The following GPR89A variants were observed in gnomAD, a reference collection of about 807,000 sequenced individuals.
GPR89A encodes the protein G protein-coupled receptor 89A.
Under a neutral mutation model 52.0 loss-of-function variants are expected in GPR89A, and 16 were observed. The ratio of observed to expected loss-of-function variants is 0.31; its 90% CI spans 0.21 to 0.47. GPR89A has a LOEUF of 0.47. GPR89A is among the 20% of genes least tolerant of loss of function. The pLI is 1.00. For synonymous variants in GPR89A, 55 were observed against 150.9 expected, an observed-to-expected ratio of 0.36 and a Z score of 4.66; for missense variants, 135 against 449.4, an observed-to-expected ratio of 0.30 and a Z score of 6.33.
At chr1:145,635,640 C>G (rs1650182469) in intron 7 of GPR89A, among the ~76,000 whole-genome samples, 1 of 152,168 alleles carries the variant, frequency 6.6e-6, no homozygotes, top group African/African-American at 2.4e-5. Context: ...CAAGGCTATT[C>G]TCTTTCTCAC....
At chr1:145,613,527 T>C (rs1447035151) in intron 1 of GPR89A, among the ~76,000 whole-genome samples, 19 of 152,260 alleles carry the variant, frequency 1.2e-4, no homozygotes, top group African/African-American at 3.4e-4. Context: ...TAAATAACCC[T>C]CATCACCTAC....
chr1:145,662,912 C>G (rs1338350024), intron 10 of GPR89A, among the ~76,000 whole-genome samples: 1 of 149,690 alleles, frequency 6.7e-6, no homozygotes, highest in Non-Finnish European at 1.5e-5. Flanking sequence ...CATTTGATAT[C>G]GTTTGTTGAC....
chr1:145,628,503 A>G (rs1649663759), intron 5 of GPR89A, among the ~76,000 whole-genome samples: 1 of 151,870 alleles, frequency 6.6e-6, no homozygotes, highest in Non-Finnish European at 1.5e-5. Context: ...CTGGAGCTAG[A>G]CTGCACTTGA....
chr1:145,626,308 C>A (rs1461136865), intron 5 of GPR89A, among the ~76,000 whole-genome samples: 1 of 151,974 alleles, frequency 6.6e-6, no homozygotes, highest in Non-Finnish European at 1.5e-5. Flanking sequence ...GCATTCAGCT[C>A]ACATGACCAG....
intron 7 of GPR89A, among the ~76,000 whole-genome samples, chr1:145,635,816 G>T (rs1650198239): frequency 6.6e-6 from 1 of 152,284 alleles, no homozygotes; most frequent in African/African-American, 2.4e-5. Context: ...AAAATTATCT[G>T]GGCATAGTGG....
chr1:145,611,785 A>G (rs1385179753), intron 1 of GPR89A, among the ~76,000 whole-genome samples: 18 of 151,584 alleles, frequency 1.2e-4, no homozygotes, highest in African/African-American at 4.4e-4. Context: ...TCATATAAAT[A>G]TGGTCTCTAA....
At chr1:145,621,702 C>G (rs1649149469) in intron 3 of GPR89A, among the ~76,000 whole-genome samples, 1 of 151,638 alleles carries the variant, frequency 6.6e-6, no homozygotes, top group African/African-American at 2.4e-5. Flanking sequence ...GGACTCGTAT[C>G]TAGAATATAT....
At chr1:145,664,323 ATCTTT>A (rs200053383) in intron 11 of GPR89A, among the ~76,000 whole-genome samples, 2,675 of 152,264 alleles carry the variant, frequency 0.018, 69 homozygotes, top group African/African-American at 0.061. Context: ...GGAACATGAT[ATCTTT>A]TCTTCAAGTG....
rs1400326310 is a variant in GPR89A at position 145,649,258 on chromosome 1, A to G, written c.909+1991A>G. Among the ~76,000 whole-genome samples the G allele has an allele frequency of 3.3e-5, 5 of 152,072 alleles. No individual in the cohort carries two copies. The East Asian group carries it at 7.8e-4, about 24-fold the overall frequency. The stretch of plus-strand genomic sequence containing the variant: ...GAGAACACATCCATCCATCACTGCC[A>G]TGAGATTCCTGAGATTCCTGGTGTC... On this transcript the variant is annotated intron_variant, in intron 10 of 13. Coordinates refer to ENST00000313835, the MANE Select transcript of GPR89A (RefSeq NM_001097612.2).
chr1:145,645,972 G>T (rs1489770975), intron 8 of GPR89A: 2 of 633,058 alleles, frequency 3.2e-6, no homozygotes, highest in Non-Finnish European at 5.7e-6. Flanking sequence ...GTAATTGTTT[G>T]GTGGCGATGC....
chr1:145,649,932 C>T (rs1456636804), intron 10 of GPR89A, among the ~76,000 whole-genome samples: 2 of 150,440 alleles, frequency 1.3e-5, no homozygotes, highest in African/African-American at 4.9e-5. Context: ...TGCTTTTTTT[C>T]CCACCCATAT....
chr1:145,654,723 T>G (rs1553694231), intron 10 of GPR89A, among the ~76,000 whole-genome samples: 6 of 151,848 alleles, frequency 4.0e-5, no homozygotes, highest in Admixed American at 3.3e-4. Flanking sequence ...TTGGAGAATC[T>G]GATGATTATG....
At chr1:145,641,230 T>C (rs1650633895) in intron 7 of GPR89A, among the ~76,000 whole-genome samples, 1 of 151,186 alleles carries the variant, frequency 6.6e-6, no homozygotes, top group Non-Finnish European at 1.5e-5. Flanking sequence ...AAAATTACGC[T>C]GAGTGAAAAA....
chr1:145,629,269 G>A (rs1209534131), intron 5 of GPR89A, among the ~76,000 whole-genome samples: 1 of 152,134 alleles, frequency 6.6e-6, no homozygotes, highest in Non-Finnish European at 1.5e-5. Flanking sequence ...CAAGTTGGGA[G>A]GATGATTGCA....
rs781818973 is a variant in GPR89A at position 145,646,223 on chromosome 1, A to C, written c.767A>C (p.Glu256Ala). 4 of 1,612,616 alleles carry C rather than the reference A, an allele frequency of 2.5e-6. No homozygotes were observed. The highest frequency in any genetic ancestry group is 3.4e-6 in the Non-Finnish European group (4 of 1,178,970). Residue 256 changes from glutamate (E) to alanine (A), a missense_variant, in exon 9 of 14, where the codon GAA (glutamate) becomes GCA (alanine). Glu to Ala is a moderately radical substitution (Grantham distance 107). This residue lies in a region of GPR89A where 23 missense variants were observed against 42.2 expected (regional missense o/e 0.54). Coordinates refer to ENST00000313835, the MANE Select transcript of GPR89A (RefSeq NM_001097612.2). The stretch of plus-strand genomic sequence containing the variant: ...CAACAGGAAGTGGATGCTTTGGAAG[A>C]ATTAAGCAGGCAGCTTTTTCTGGAA... ...LIQQEVDALEELSRQLFLETA... is the reference protein window; with the variant it reads ...LIQQEVDALEALSRQLFLETA...
chr1:145,617,683 C>G (rs1490579992), intron 2 of GPR89A, among the ~76,000 whole-genome samples: 3 of 151,918 alleles, frequency 2.0e-5, no homozygotes, highest in Admixed American at 6.6e-5. Flanking sequence ...TTCAGCCAGT[C>G]CCTCCATTCG....
intron 3 of GPR89A, among the ~76,000 whole-genome samples, chr1:145,622,026 A>G (rs1649176484): frequency 6.6e-6 from 1 of 151,280 alleles, no homozygotes; most frequent in East Asian, 2.0e-4. Flanking sequence ...GGGAGTGCCT[A>G]AAAGATTAAA....
rs781844321 is a variant in GPR89A at position 145,608,126 on chromosome 1, A to G, written c.-8A>G. On this transcript the variant is annotated 5_prime_UTR_variant, in exon 1 of 14. Transcript: ENST00000313835. Reference sequence around the variant, plus strand: ...AAGTGGAGGCAGGAGCCTTCCTTACACTTCGCCATGAGTTTCCTCATCGAC... The same window carrying G: ...AAGTGGAGGCAGGAGCCTTCCTTACGCTTCGCCATGAGTTTCCTCATCGAC... 1.9e-6 allele frequency: 3 copies of G among 1,613,440 alleles called. No individual in the cohort carries two copies. Among genetic ancestry groups the G allele is most frequent in the African/African-American group, 1.3e-5 (1 of 74,594 alleles).
intron 2 of GPR89A, among the ~76,000 whole-genome samples, 196 bp downstream of exon 2, chr1:145,616,489 G>A (rs587645061): frequency 6.6e-6 from 1 of 152,072 alleles, no homozygotes; most frequent in African/African-American, 2.4e-5. Context: ...ATCAAATATA[G>A]CCCAGAAGTT....
Sources: gnomAD v4.1 joint callset for allele counts (sites outside exome capture counted in the v4.1 genomes callset) on GRCh38, gnomAD v4.1.1 for gene constraint, gnomAD v4.1.1 regional missense constraint, MANE v1.5 for transcripts, NCBI Gene and HGNC (gene_info 2026-07-23, HGNC 2026-07-21) for gene names.